The following ACSL6 variants were observed in gnomAD, a reference collection of about 807,000 sequenced individuals.
ACSL6 encodes the protein acyl-CoA synthetase long chain family member 6.
A neutral mutation model predicts 98.2 loss-of-function variants in ACSL6; 47 were observed. The ratio of observed to expected loss-of-function variants is 0.48; its 90% CI spans 0.38 to 0.61. The LOEUF is 0.61. ACSL6 is among the 20% of genes least tolerant of loss of function. ACSL6 has a pLI of 0.00. For synonymous variants in ACSL6, 362 were observed against 336.9 expected (o/e 1.07, Z -0.82); for missense variants, 761 against 913.4 (o/e 0.83, Z 2.15).
chr5:131,988,156 C>A lies in ACSL6; in HGVS notation c.723G>T (p.Lys241Asn). 6.2e-7 allele frequency: 1 copy of A among 1,614,106 alleles called. No individual in the cohort carries two copies. The highest frequency in any genetic ancestry group is 8.5e-7 in the Non-Finnish European group (1 of 1,179,946). ...TGATCAGCTTGAGGCCTGGAGTCTCCTTCCTCTCCACATGCTCTAGCAGAA... is the reference window on the plus strand; with the variant it reads ...TGATCAGCTTGAGGCCTGGAGTCTCATTCCTCTCCACATGCTCTAGCAGAA... ...AVLLLEHVER[K>N]ETPGLKLIIL... The change falls in exon 7 of 21, where the codon AAG becomes AAT. Residue 241 changes from lysine to asparagine, a missense_variant. By Grantham distance (94) the Lys-to-Asn change is moderately conservative (BLOSUM62 0). Transcript: ENST00000651883.
chr5:131,955,648 C>T (rs2149677846), intron 20 of ACSL6, among the ~76,000 whole-genome samples: 1 of 152,302 alleles, frequency 6.6e-6, no homozygotes, highest in South Asian at 2.1e-4. Context: ...AGCTCTGGCT[C>T]AAGCCCTAAA....
intron 1 of ACSL6, 119 bp from the exon 2 acceptor site, chr5:131,994,370 G>A: frequency 2.3e-6 from 2 of 860,736 alleles, no homozygotes; most frequent in South Asian, 1.7e-5. Flanking sequence ...TCGGGGAGTT[G>A]GGATGTACAG....
chr5:131,971,365 C>T (rs1241053093), intron 14 of ACSL6, among the ~76,000 whole-genome samples, 185 bp downstream of exon 14: 1 of 152,162 alleles, frequency 6.6e-6, no homozygotes, highest in East Asian at 1.9e-4. Flanking sequence ...CCTGGGCTTT[C>T]CAGAATGTGG....
At chr5:132,003,280 C>G (rs953922912) in intron 1 of ACSL6, among the ~76,000 whole-genome samples, 7 of 152,236 alleles carry the variant, frequency 4.6e-5, no homozygotes, top group African/African-American at 1.7e-4. Context: ...CCTGAATCCC[C>G]CCTCTGGAGG....
chr5:131,958,578 T>C (rs1752540721), intron 20 of ACSL6, among the ~76,000 whole-genome samples: 1 of 152,238 alleles, frequency 6.6e-6, no homozygotes, highest in Non-Finnish European at 1.5e-5. Context: ...TGTAAAGATC[T>C]ATTTTTAAAG....
rs1217539714 is a variant in ACSL6 at position 131,954,703 on chromosome 5, AT to A, written c.2032-333del. Among the ~76,000 whole-genome samples the A allele has an allele frequency of 2.6e-5, 4 of 152,152 alleles. No individual in the cohort carries two copies. The East Asian group carries it at 5.8e-4, about 22-fold the overall frequency. Reference sequence around the variant, plus strand: ...AGTGGAGACAGAGAAACACTGGGCAATTATCAGTATGGTATGCATGAGATAA... The same window carrying A: ...AGTGGAGACAGAGAAACACTGGGCAATATCAGTATGGTATGCATGAGATAA... On this transcript the variant is annotated intron_variant, in intron 20 of 20. Coordinates refer to ENST00000651883, the MANE Select transcript of ACSL6 (RefSeq NM_001009185.3).
At position 132,011,608 on chromosome 5, in the gene ACSL6, G is replaced by A; in HGVS notation, c.-55C>T. 7.2e-7 allele frequency: 1 copy of A among 1,389,344 alleles called. No homozygotes were observed. Among genetic ancestry groups the A allele is most frequent in the South Asian group, 1.7e-5 (1 of 59,888 alleles). 86.1% of individuals were successfully genotyped at this position (1,389,344 alleles called of 1,614,324 possible). ...CCCGGCCTCCCCGACCCGCAGCCCC[G>A]CAGCCCCGCAGCCCAGCAGCCCCAG... On this transcript the variant is annotated 5_prime_UTR_variant, in exon 1 of 21. Coordinates refer to ENST00000651883, the MANE Select transcript of ACSL6 (RefSeq NM_001009185.3). The surrounding 1 kb of genome is among the most constrained non-coding windows in gnomAD (Gnocchi z 5.4).
intron 1 of ACSL6, among the ~76,000 whole-genome samples, chr5:132,010,889 G>A (rs1399743652): frequency 6.6e-6 from 1 of 152,176 alleles, no homozygotes; most frequent in African/African-American, 2.4e-5. Flanking sequence ...CGCCTAAGAA[G>A]TGCAGTGGTG....
rs779866831 is a variant in ACSL6 at position 131,960,482 on chromosome 5, T to C, written c.1959+38A>G. On this transcript the variant is annotated intron_variant, in intron 19 of 20. Transcript: ENST00000651883. The stretch of plus-strand genomic sequence containing the variant: ...TCTCATTATGTGGTACCATAAAACA[T>C]TCAGTAACCTTTCAGGAGACAGCCC... 15 of 1,560,096 alleles carry C rather than the reference T, an allele frequency of 9.6e-6. No homozygotes were observed. In the South Asian group the frequency reaches 1.7e-4, roughly 18 times the overall value.
At chr5:132,001,632 G>T (rs1010676245) in intron 1 of ACSL6, among the ~76,000 whole-genome samples, 1 of 152,172 alleles carries the variant, frequency 6.6e-6, no homozygotes, top group Non-Finnish European at 1.5e-5. Flanking sequence ...AGCTCTGATG[G>T]TTCAATTAAG....
At chr5:131,986,969 A>T in intron 7 of ACSL6, 115 bp from the exon 8 acceptor site, 1 of 966,730 alleles carries the variant, frequency 1.0e-6, no homozygotes, top group Non-Finnish European at 1.6e-6. Flanking sequence ...ACACACACAC[A>T]TACCCACACA....
intron 8 of ACSL6, among the ~76,000 whole-genome samples, chr5:131,985,743 C>T (rs1204174821): frequency 6.6e-6 from 1 of 152,212 alleles, no homozygotes; most frequent in Non-Finnish European, 1.5e-5. Flanking sequence ...TGAGCCTGGG[C>T]TGAATTATCC....
At chr5:132,011,676 C>A (rs1755743647), upstream of ACSL6, 2 of 1,267,948 alleles carry the variant, frequency 1.6e-6, no homozygotes, top group African/African-American at 3.1e-5. The surrounding 1 kb of genome is among the most constrained non-coding windows in gnomAD (Gnocchi z 5.4). Flanking sequence ...ATTTTTAGCC[C>A]CCGCCCTCCG....
At chr5:131,979,340 T>C (rs1409694940) in intron 9 of ACSL6, among the ~76,000 whole-genome samples, 2 of 152,210 alleles carry the variant, frequency 1.3e-5, no homozygotes, top group East Asian at 3.8e-4. Flanking sequence ...GTTACAGAGC[T>C]TTGGATTTGC....
chr5:132,003,295 G>A (rs1353734275), intron 1 of ACSL6, among the ~76,000 whole-genome samples: 1 of 152,184 alleles, frequency 6.6e-6, no homozygotes, highest in Non-Finnish European at 1.5e-5. Flanking sequence ...TGGAGGTCAG[G>A]CGGCACAGCA....
intron 9 of ACSL6, chr5:131,981,875 T>G (rs1753911756): frequency 6.6e-6 from 1 of 152,326 alleles, no homozygotes; most frequent in Non-Finnish European, 1.5e-5. Context: ...TCTTTTTTTT[T>G]GTGATGGAGT....
chr5:131,994,377 A>G (rs2126919787), intron 1 of ACSL6, 126 bp from the exon 2 acceptor site: 2 of 796,824 alleles, frequency 2.5e-6, no homozygotes, highest in East Asian at 2.7e-5. Context: ...GTTGGGATGT[A>G]CAGAGTGCAC....
chr5:131,954,558 A>G (rs1247294949), intron 20 of ACSL6, among the ~76,000 whole-genome samples, 187 bp from the exon 21 acceptor site: 1 of 152,164 alleles, frequency 6.6e-6, no homozygotes, highest in Non-Finnish European at 1.5e-5. Context: ...TTTCCTTCCT[A>G]TTCATTCATT....
chr5:131,960,655 A>C lies in ACSL6; in HGVS notation c.1858-34T>G. 3 of 1,551,826 alleles carry C rather than the reference A, an allele frequency of 1.9e-6. No individual in the cohort carries two copies. The South Asian group carries it at 3.5e-5, about 18-fold the overall frequency. The stretch of plus-strand genomic sequence containing the variant: ...CTCACCAAAGGAGAACACAGTCATG[A>C]CAAATGCATTTAAAGTGGTTATTTG... On this transcript the variant is annotated intron_variant, in intron 18 of 20. Transcript: ENST00000651883.
Sources: gnomAD v4.1 joint callset for allele counts (sites outside exome capture counted in the v4.1 genomes callset) on GRCh38, gnomAD v4.1.1 for gene constraint, Gnocchi (gnomAD v3.1) non-coding constraint, MANE v1.5 for transcripts, NCBI Gene and HGNC (gene_info 2026-07-23, HGNC 2026-07-21) for gene names.